The following ZBTB44 variants were observed in gnomAD, a reference collection of about 807,000 sequenced individuals.
ZBTB44 encodes the protein zinc finger and BTB domain-containing protein 44.
In ZBTB44, 15 loss-of-function variants were observed where a neutral mutation model predicts 54.0. The observed-to-expected ratio is 0.28, with a 90% confidence interval of 0.19 to 0.43. The LOEUF (loss-of-function observed/expected upper bound fraction) is 0.43, where lower values mean the gene tolerates loss of function less well. Among genes scored for constraint, ZBTB44 ranks in the 20% least tolerant of loss-of-function variants. The pLI is 1.00. For synonymous variants in ZBTB44, 230 were observed against 250.1 expected (o/e 0.92, Z 0.76); for missense variants, 487 against 707.1 (o/e 0.69, Z 3.53).
intron 2 of ZBTB44, among the ~76,000 whole-genome samples, chr11:130,260,379 C>T (rs934716943): frequency 4.6e-5 from 7 of 152,228 alleles, no homozygotes; most frequent in African/African-American, 1.4e-4. Flanking sequence ...GTGTAACTTG[C>T]TCTTTCCTTT....
In ZBTB44 at chr11:130,230,683, GA is replaced by G. The variant is rs1953846553; in HGVS notation, c.*1080del. 6.6e-6 allele frequency: 1 copy of G among 151,576 alleles called. No individual in the cohort carries two copies. Among genetic ancestry groups the G allele is most frequent in the African/African-American group, 2.4e-5 (1 of 41,328 alleles). The allele number at this position is 151,576 out of a possible 1,614,324, so 9.4% of individuals were successfully genotyped here. On this transcript the variant is annotated 3_prime_UTR_variant, in exon 8 of 8. Coordinates refer to ENST00000357899, the MANE Select transcript of ZBTB44 (RefSeq NM_001301098.2). ...AATCCATTTAAATATATTTGTGGGTGATAATCTCCATCTGCATCCATTTATA... is the reference window on the plus strand; with the variant it reads ...AATCCATTTAAATATATTTGTGGGTGTAATCTCCATCTGCATCCATTTATA...
At chr11:130,311,532 C>G (rs1030268764) in intron 1 of ZBTB44, among the ~76,000 whole-genome samples, 1 of 152,002 alleles carries the variant, frequency 6.6e-6, no homozygotes, top group African/African-American at 2.4e-5. Flanking sequence ...TATTAAAAAC[C>G]AAGATTTTCA....
At chr11:130,256,870 T>A (rs74792455) in intron 2 of ZBTB44, among the ~76,000 whole-genome samples, 2 of 151,928 alleles carry the variant, frequency 1.3e-5, no homozygotes, top group Admixed American at 6.6e-5. Flanking sequence ...CCACCCCTAT[T>A]CAACACAGTA....
chr11:130,300,597 C>T (rs907276389), intron 1 of ZBTB44, among the ~76,000 whole-genome samples: 2 of 152,092 alleles, frequency 1.3e-5, no homozygotes, highest in African/African-American at 4.8e-5. Context: ...GATAGATACA[C>T]AGAATAACCA....
intron 1 of ZBTB44, chr11:130,296,380 T>A: frequency 4.6e-6 from 7 of 1,524,428 alleles, no homozygotes; most frequent in Non-Finnish European, 5.3e-6. Flanking sequence ...TATGAGTTGC[T>A]GAACTACATT....
chr11:130,272,119 C>A (rs189060674), intron 1 of ZBTB44, among the ~76,000 whole-genome samples: 1 of 151,276 alleles, frequency 6.6e-6, no homozygotes, highest in South Asian at 2.1e-4. Flanking sequence ...GTAATCCCAG[C>A]TGCTCGGGAG....
intron 1 of ZBTB44, among the ~76,000 whole-genome samples, chr11:130,288,821 C>CG (rs1289585885): frequency 2.0e-5 from 3 of 151,550 alleles, no homozygotes; most frequent in Non-Finnish European, 4.4e-5. Context: ...CGCTTGAACC[C>CG]GGGAGGCGGA....
rs187045771 is a variant in ZBTB44, at chr11:130,278,103, T to C, written c.-56-16174A>G. 1.7e-3 allele frequency among the ~76,000 whole-genome samples: 255 copies of C among 152,304 alleles called. 1 individual carries two copies. The highest frequency in any genetic ancestry group is 5.2e-3 in the South Asian group (25 of 4,828). ...CATTTTTCTTACTTAGAAAAAGATT[T>C]TCAGTAAAGATGCTCCAATGTATGG... On this transcript the variant is annotated intron_variant, in intron 1 of 7. Transcript: ENST00000357899.
intron 5 of ZBTB44, chr11:130,236,241 T>C: frequency 7.8e-7 from 1 of 1,279,178 alleles, no homozygotes; most frequent in Non-Finnish European, 1.0e-6. Flanking sequence ...GGTAATTCTA[T>C]TATAAATTAA....
intron 1 of ZBTB44, among the ~76,000 whole-genome samples, chr11:130,281,439 G>C (rs1367393825): frequency 6.6e-6 from 1 of 151,870 alleles, no homozygotes; most frequent in African/African-American, 2.4e-5. Flanking sequence ...AGGATGGCTT[G>C]AGCCCAGGAG....
chr11:130,286,483 C>T (rs1940972542), intron 1 of ZBTB44, among the ~76,000 whole-genome samples: 1 of 152,184 alleles, frequency 6.6e-6, no homozygotes, highest in South Asian at 2.1e-4. Flanking sequence ...GTTTCTAATT[C>T]TAGATCTGCC....
chr11:130,293,831 T>C (rs1941461880), intron 1 of ZBTB44, among the ~76,000 whole-genome samples: 1 of 152,068 alleles, frequency 6.6e-6, no homozygotes, highest in African/African-American at 2.4e-5. Flanking sequence ...AAAACCATTT[T>C]ATAACTAGTT....
At chr11:130,232,144 T>C (rs977173786) in intron 7 of ZBTB44, 1 of 152,176 alleles carries the variant, frequency 6.6e-6, no homozygotes. Flanking sequence ...TCACATGTTT[T>C]TGGGGAAAAA....
intron 2 of ZBTB44, among the ~76,000 whole-genome samples, chr11:130,260,448 A>G (rs1161511101): frequency 6.6e-6 from 1 of 152,200 alleles, no homozygotes; most frequent in Non-Finnish European, 1.5e-5. Context: ...AGTTCACTGT[A>G]ATCATTTACT....
Position 130,261,674 on chromosome 11 carries a change from T to C in ZBTB44, c.200A>G (p.Glu67Gly). 6.2e-7 allele frequency: 1 copy of C among 1,614,054 alleles called. No individual in the cohort carries two copies. The highest frequency in any genetic ancestry group is 8.5e-7 in the Non-Finnish European group (1 of 1,179,892). Residue 67 changes from glutamate (E) to glycine (G), a missense_variant, in exon 2 of 8, where the codon GAG becomes GGG. Transcript: ENST00000357899. The surrounding 1 kb of genome is among the most constrained non-coding windows in gnomAD (Gnocchi z 4.8). ...RTKLVGQAED[E>G]NKNVLDLHHV... ...ATGCAGATCCAACACATTCTTGTTCTCATCCTCGGCTTGGCCTACAAGTTT... is the reference window on the plus strand; with the variant it reads ...ATGCAGATCCAACACATTCTTGTTCCCATCCTCGGCTTGGCCTACAAGTTT...
chr11:130,296,539 T>A (rs1178155922), intron 1 of ZBTB44: 1 of 888,640 alleles, frequency 1.1e-6, no homozygotes, highest in Non-Finnish European at 1.8e-6. Context: ...ACTGGATTGT[T>A]CACTATGACC....
chr11:130,243,750 T>C (rs547164651), intron 2 of ZBTB44, among the ~76,000 whole-genome samples: 2 of 152,358 alleles, frequency 1.3e-5, no homozygotes, highest in African/African-American at 4.8e-5. Flanking sequence ...TAGAAAATAC[T>C]AAATTCTTTT....
intron 1 of ZBTB44, among the ~76,000 whole-genome samples, chr11:130,278,330 C>A (rs191488945): frequency 6.6e-6 from 1 of 152,218 alleles, no homozygotes; most frequent in East Asian, 1.9e-4. Context: ...TTATTGAATA[C>A]CACATTGAAA....
In ZBTB44 at chr11:130,228,956, A is replaced by G. The variant is rs1037957654; in HGVS notation, c.*2808T>C. ...TTTGAACAAAAACTAAAAATTTTAAAGTTAAAAAAAGTTTTGTTTTTAATC... is the reference window on the plus strand; with the variant it reads ...TTTGAACAAAAACTAAAAATTTTAAGGTTAAAAAAAGTTTTGTTTTTAATC... On this transcript the variant is annotated 3_prime_UTR_variant, in exon 8 of 8. Coordinates refer to ENST00000357899, the MANE Select transcript of ZBTB44 (RefSeq NM_001301098.2). 5 of 152,340 alleles carry G rather than the reference A, an allele frequency of 3.3e-5. No homozygotes were observed. The South Asian group carries it at 1.0e-3, about 32-fold the overall frequency. 9.4% of individuals were successfully genotyped at this position (152,340 alleles called of 1,614,324 possible).
Sources: allele counts gnomAD v4.1 joint callset (sites outside exome capture counted in the v4.1 genomes callset), GRCh38; gene constraint gnomAD v4.1.1; non-coding constraint Gnocchi (gnomAD v3.1); transcripts MANE v1.5; gene names NCBI Gene and HGNC (gene_info 2026-07-23, HGNC 2026-07-21).